Variants in MAPK10 observed in about 807,000 individuals in gnomAD.
MAPK10 encodes the protein mitogen-activated protein kinase 10, also known as JNK3 alpha protein kinase.
MAPK10 carries 25 observed loss-of-function variants against 59.3 expected under a neutral mutation model. The observed-to-expected ratio is 0.42, with a 90% CI of 0.31 to 0.59. MAPK10 has a LOEUF of 0.59. Ranked by LOEUF, MAPK10 falls within the 20% of genes least tolerant of loss-of-function variation. The probability of loss-of-function intolerance (pLI) is 0.15; values close to 1 mark genes in which losing one functional copy is unlikely to be tolerated. For missense variants in MAPK10, 351 were observed against 568.9 expected, an observed-to-expected ratio of 0.62 and a Z score of 3.90; for synonymous variants, 190 against 200.5, an observed-to-expected ratio of 0.95 and a Z score of 0.44.
At chr4:86,175,283 G>T (rs938384031) in intron 3 of MAPK10, among the ~76,000 whole-genome samples, 2 of 152,158 alleles carry the variant, frequency 1.3e-5, no homozygotes, top group African/African-American at 4.8e-5. Context: ...TTTTAGAAAA[G>T]AGAATTAGAG....
chr4:86,144,748 T>C (rs2064458464), intron 4 of MAPK10, among the ~76,000 whole-genome samples: 2 of 152,180 alleles, frequency 1.3e-5, no homozygotes, highest in Non-Finnish European at 2.9e-5. Flanking sequence ...AATATTGCAC[T>C]GAATGGAGTG....
chr4:86,133,728 G>C (rs1430692861), intron 4 of MAPK10, among the ~76,000 whole-genome samples: 1 of 152,176 alleles, frequency 6.6e-6, no homozygotes, highest in Non-Finnish European at 1.5e-5. Flanking sequence ...ACATCTTGCT[G>C]GTGGCTCCAA....
intron 2 of MAPK10, among the ~76,000 whole-genome samples, chr4:86,238,564 C>T (rs376414608): frequency 3.0e-4 from 46 of 152,200 alleles, no homozygotes; most frequent in Middle Eastern, 3.4e-3. Context: ...TCCTTCACAT[C>T]CCTTGTTAGC....
chr4:86,315,163 TCTTA>T (rs1405495151), intron 2 of MAPK10, among the ~76,000 whole-genome samples: 2 of 152,102 alleles, frequency 1.3e-5, no homozygotes, highest in African/African-American at 2.4e-5. Context: ...CATCACATGT[TCTTA>T]CTTATTTATG....
chr4:86,467,259 A>G (rs908132002), intron 1 of MAPK10, among the ~76,000 whole-genome samples: 1 of 152,242 alleles, frequency 6.6e-6, no homozygotes, highest in Non-Finnish European at 1.5e-5. Context: ...GCATAATCAA[A>G]TTGAATTCTT....
intron 1 of MAPK10, among the ~76,000 whole-genome samples, chr4:86,512,014 CTCA>C (rs781456413): frequency 8.6e-5 from 13 of 152,016 alleles, no homozygotes; most frequent in East Asian, 1.9e-4. Context: ...CATGAAACTA[CTCA>C]TCAAGATCAA....
In MAPK10 at chr4:86,365,065, C is replaced by T. The variant is rs576639638; in HGVS notation, c.-121-10421G>A. On this transcript the variant is annotated intron_variant, in intron 1 of 13. Transcript: ENST00000361569. ...GGCACTGTTTATATGTATTCATACTCACCATATAAACTCCCATAAAAGTAT... is the reference window on the plus strand; with the variant it reads ...GGCACTGTTTATATGTATTCATACTTACCATATAAACTCCCATAAAAGTAT... 3.9e-5 allele frequency among the ~76,000 whole-genome samples: 6 copies of T among 152,262 alleles called. No individual in the cohort carries two copies. The South Asian group carries it at 1.2e-3, about 32-fold the overall frequency.
intron 4 of MAPK10, among the ~76,000 whole-genome samples, chr4:86,133,670 A>G (rs2061401335): frequency 1.3e-5 from 2 of 152,222 alleles, no homozygotes; most frequent in Non-Finnish European, 2.9e-5. Context: ...GTATGAATCT[A>G]TCACACTTAG....
At position 86,088,401 on chromosome 4, in the gene MAPK10, G is replaced by T. The variant is rs182251537; in HGVS notation, c.802+10123C>A. Among the ~76,000 whole-genome samples, 17 of 152,168 alleles carry T rather than the reference G, an allele frequency of 1.1e-4. 1 individual carries two copies. In the East Asian group the frequency reaches 3.1e-3, roughly 28 times the overall value. On this transcript the variant is annotated intron_variant, in intron 9 of 13. Coordinates refer to ENST00000641462, the MANE Select transcript of MAPK10 (RefSeq NM_138982.4). ...GGGTCTTGCTCTCTTGCCTAGGCTG[G>T]TCTCAAACTCCTGGGCTCAAGTGAT...
chr4:86,429,370 A>C (rs1241189787), intron 1 of MAPK10, among the ~76,000 whole-genome samples: 2 of 152,204 alleles, frequency 1.3e-5, no homozygotes, highest in Non-Finnish European at 2.9e-5. Flanking sequence ...GAACATGAAA[A>C]ACATTACATA....
At chr4:86,062,301 T>G (rs974739108) in intron 11 of MAPK10, among the ~76,000 whole-genome samples, 1 of 152,154 alleles carries the variant, frequency 6.6e-6, no homozygotes, top group African/African-American at 2.4e-5. Context: ...TCATACATCC[T>G]GCCTTGTTAC....
intron 2 of MAPK10, among the ~76,000 whole-genome samples, chr4:86,230,397 GTT>G (rs1451401471): frequency 6.6e-6 from 1 of 152,160 alleles, no homozygotes; most frequent in Non-Finnish European, 1.5e-5. Flanking sequence ...CTCAGGGAAT[GTT>G]TAAAAGAGTA....
intron 11 of MAPK10, among the ~76,000 whole-genome samples, chr4:86,050,012 T>C (rs548760123): frequency 2.8e-4 from 43 of 152,210 alleles, no homozygotes; most frequent in Non-Finnish European, 6.0e-4. Flanking sequence ...ACCATTCCCT[T>C]CCCTGCTCAC....
chr4:86,582,752 T>C (rs1230349849), intron 1 of MAPK10, among the ~76,000 whole-genome samples: 1 of 152,218 alleles, frequency 6.6e-6, no homozygotes, highest in Admixed American at 6.5e-5. Flanking sequence ...TAGGACACTT[T>C]CTATAGTAGC....
At chr4:86,156,625 C>G (rs148866115) in intron 4 of MAPK10, among the ~76,000 whole-genome samples, 10 of 152,130 alleles carry the variant, frequency 6.6e-5, no homozygotes, top group African/African-American at 1.2e-4. Context: ...TTTGAATCAT[C>G]TTTAGAGAGA....
chr4:86,148,477 C>T, intron 4 of MAPK10, among the ~76,000 whole-genome samples: 1 of 151,154 alleles, frequency 6.6e-6, no homozygotes, highest in East Asian at 1.9e-4. Flanking sequence ...GGAAGACGGA[C>T]TAGGAGAAGA....
chr4:86,277,740 T>A (rs1258955965), intron 2 of MAPK10, among the ~76,000 whole-genome samples: 1 of 152,116 alleles, frequency 6.6e-6, no homozygotes, highest in East Asian at 1.9e-4. Flanking sequence ...AAACATTGGC[T>A]TATTATGAGT....
intron 2 of MAPK10, among the ~76,000 whole-genome samples, chr4:86,272,948 T>C (rs998093207): frequency 4.6e-5 from 7 of 152,100 alleles, no homozygotes; most frequent in Non-Finnish European, 8.8e-5. Context: ...CATCTGCAAA[T>C]ATACAGCTGC....
rs1382422689 is a variant in MAPK10 at position 86,056,630 on chromosome 4, CA to C, written c.1110+7635del. The stretch of plus-strand genomic sequence containing the variant: ...CATAATCAAATGATATTAGCTTTTA[CA>C]GTAAAAATGTATTTGAGAGAATTAA... On this transcript the variant is annotated intron_variant, in intron 11 of 13. Coordinates refer to ENST00000641462, the MANE Select transcript of MAPK10 (RefSeq NM_138982.4). Among the ~76,000 whole-genome samples, 5 of 149,848 alleles carry C rather than the reference CA, an allele frequency of 3.3e-5. 1 individual carries two copies. Among genetic ancestry groups the C allele is most frequent in the African/African-American group, 1.2e-4 (5 of 40,014 alleles).
Sources: gnomAD v4.1 joint callset for allele counts (sites outside exome capture counted in the v4.1 genomes callset) on GRCh38, gnomAD v4.1.1 for gene constraint, MANE v1.5 for transcripts, NCBI Gene and HGNC (gene_info 2026-07-23, HGNC 2026-07-21) for gene names.